The following DLG2 variants were observed in gnomAD, a reference collection of about 807,000 sequenced individuals.
The protein encoded by DLG2 is disks large homolog 2.
Under a neutral mutation model 132.5 loss-of-function variants are expected in DLG2, and 45 were observed. The ratio of observed to expected loss-of-function variants is 0.34; its 90% CI spans 0.27 to 0.44. The LOEUF is 0.44. DLG2 is among the 20% of genes least tolerant of loss of function. DLG2 has a pLI of 1.00. For missense variants in DLG2, 1,045 were observed against 1,196.9 expected (o/e 0.87, Z 1.87); for synonymous variants, 424 against 419.6 (o/e 1.01, Z -0.13).
chr11:85,297,369 G>A (rs1449471349), intron 3 of DLG2, among the ~76,000 whole-genome samples: 1 of 152,092 alleles, frequency 6.6e-6, no homozygotes, highest in African/African-American at 2.4e-5. Context: ...CCCCAAGTAC[G>A]ACATGAAGCT....
At chr11:84,995,185 A>T (rs1350440923) in intron 6 of DLG2, among the ~76,000 whole-genome samples, 3 of 152,202 alleles carry the variant, frequency 2.0e-5, no homozygotes, top group Admixed American at 2.0e-4. Context: ...AGAGTAAGTA[A>T]GGCCAGTATC....
At chr11:83,992,385 T>C (rs2093771990) in intron 11 of DLG2, among the ~76,000 whole-genome samples, 1 of 152,000 alleles carries the variant, frequency 6.6e-6, no homozygotes, top group African/African-American at 2.4e-5. Flanking sequence ...TACCTTGGGC[T>C]AGAGGGGGTA....
At chr11:84,296,030 A>G in intron 7 of DLG2, among the ~76,000 whole-genome samples, 1 of 152,228 alleles carries the variant, frequency 6.6e-6, no homozygotes. Flanking sequence ...TAATGACAAA[A>G]TGTGGTTTAT....
intron 6 of DLG2, among the ~76,000 whole-genome samples, chr11:85,096,697 C>T (rs899988419): frequency 8.6e-5 from 13 of 151,582 alleles, no homozygotes; most frequent in African/African-American, 1.9e-4. Flanking sequence ...CACATTTTGG[C>T]GACCACGAAG....
chr11:85,504,013 T>A (rs992840925), intron 3 of DLG2, among the ~76,000 whole-genome samples: 1 of 152,224 alleles, frequency 6.6e-6, no homozygotes, highest in Non-Finnish European at 1.5e-5. Flanking sequence ...TGTCTTCTTT[T>A]GAGAAGTGTC....
intron 6 of DLG2, 119 bp downstream of exon 6, chr11:85,111,542 C>T (rs2072743653): frequency 1.4e-6 from 1 of 714,866 alleles, no homozygotes; most frequent in Non-Finnish European, 2.2e-6. Context: ...TTTCTCCTTG[C>T]AAAATATTTG....
At chr11:84,441,733 T>A (rs541206703) in intron 7 of DLG2, among the ~76,000 whole-genome samples, 5 of 152,292 alleles carry the variant, frequency 3.3e-5, no homozygotes, top group African/African-American at 1.2e-4. Context: ...ATGAATAAAG[T>A]ACAATCTTTT....
chr11:85,514,666 A>C (rs1027994259), intron 3 of DLG2, among the ~76,000 whole-genome samples: 2 of 151,924 alleles, frequency 1.3e-5, no homozygotes, highest in Non-Finnish European at 2.9e-5. Context: ...TCTATGCATT[A>C]GCTGTTTTGT....
intron 7 of DLG2, among the ~76,000 whole-genome samples, chr11:84,501,161 G>A (rs1168519680): frequency 6.6e-6 from 1 of 151,948 alleles, no homozygotes; most frequent in African/African-American, 2.4e-5. Flanking sequence ...TCCAATATGG[G>A]GAATATAAGC....
intron 7 of DLG2, among the ~76,000 whole-genome samples, chr11:84,379,702 G>A (rs974418713): frequency 1.4e-4 from 21 of 151,908 alleles, no homozygotes; most frequent in Admixed American, 1.1e-3. Flanking sequence ...AGTATAAACC[G>A]TAACATTATT....
intron 9 of DLG2, among the ~76,000 whole-genome samples, chr11:84,104,000 A>ATTTGTGTTCAAGG (rs1371462828): frequency 6.6e-6 from 1 of 152,088 alleles, no homozygotes; most frequent in African/African-American, 2.4e-5. Flanking sequence ...ACATGAAAAG[A>ATTTGTGTTCAAGG]TTTGTGTTCA....
intron 6 of DLG2, among the ~76,000 whole-genome samples, chr11:85,066,012 A>T (rs1237140761): frequency 6.6e-6 from 1 of 151,676 alleles, no homozygotes; most frequent in African/African-American, 2.4e-5. Flanking sequence ...AACTTTTCAC[A>T]AAATGAAAAG....
intron 7 of DLG2, among the ~76,000 whole-genome samples, chr11:84,410,869 C>T (rs542307643): frequency 7.9e-5 from 12 of 152,002 alleles, no homozygotes; most frequent in East Asian, 5.8e-4. Flanking sequence ...CATGAGCCAC[C>T]GCACCCAGCC....
chr11:84,797,319 AC>A (rs2074771636), intron 6 of DLG2, among the ~76,000 whole-genome samples: 1 of 151,950 alleles, frequency 6.6e-6, no homozygotes, highest in Admixed American at 6.6e-5. Flanking sequence ...TACACTTTCT[AC>A]CCCAAACTCT....
chr11:84,714,293 C>T (rs1172922551), intron 6 of DLG2, among the ~76,000 whole-genome samples: 1 of 152,042 alleles, frequency 6.6e-6, no homozygotes, highest in Non-Finnish European at 1.5e-5. Flanking sequence ...TTGATGGCTC[C>T]TCTGCTACCA....
intron 6 of DLG2, chr11:84,545,471 A>G (rs2099387779): frequency 4.3e-5 from 18 of 418,448 alleles, no homozygotes; most frequent in South Asian, 3.5e-4. Context: ...CACCTCCACA[A>G]CCACCACCAA....
At chr11:83,672,735 A>G (rs899350861) in intron 18 of DLG2, among the ~76,000 whole-genome samples, 1 of 152,158 alleles carries the variant, frequency 6.6e-6, no homozygotes, top group African/African-American at 2.4e-5. Flanking sequence ...GATGCTAGGC[A>G]TATAGGGATG....
chr11:85,345,885 A>ATG (rs1392692026), intron 3 of DLG2, among the ~76,000 whole-genome samples: 1 of 151,990 alleles, frequency 6.6e-6, no homozygotes, highest in African/African-American at 2.4e-5. Flanking sequence ...AAAAAAACAA[A>ATG]CGCCAAATCT....
chr11:85,209,049 T>C (rs7106588), intron 4 of DLG2, among the ~76,000 whole-genome samples: 130,707 of 152,060 alleles, frequency 0.86, 56,734 homozygotes, highest in Non-Finnish European at 0.93. Context: ...GCAAAAAGCA[T>C]TGATCTGGAC....
Sources: allele counts gnomAD v4.1 joint callset (sites outside exome capture counted in the v4.1 genomes callset), GRCh38; gene constraint gnomAD v4.1.1; transcripts MANE v1.5; gene names NCBI Gene and HGNC (gene_info 2026-07-23, HGNC 2026-07-21).